The following DLC1 variants were observed in gnomAD, a reference collection of about 807,000 sequenced individuals.
DLC1 encodes rho GTPase-activating protein 7.
In DLC1, 54 loss-of-function variants were observed where a neutral mutation model predicts 140.3. The observed-to-expected ratio is 0.38, with a 90% CI of 0.31 to 0.48. DLC1 has a LOEUF of 0.48. Ranked by LOEUF, DLC1 falls within the 20% of genes least tolerant of loss-of-function variation. DLC1 has a pLI of 0.96. For missense variants in DLC1, 2,536 were observed against 1,907.0 expected, an observed-to-expected ratio of 1.33 and a Z score of -6.14; for synonymous variants, 986 against 728.1, an observed-to-expected ratio of 1.35 and a Z score of -5.70.
chr8:13,096,491 G>A (rs1406763260), intron 10 of DLC1, among the ~76,000 whole-genome samples: 3 of 152,102 alleles, frequency 2.0e-5, no homozygotes, highest in East Asian at 3.9e-4. Flanking sequence ...AGTTAAGTGT[G>A]TGGTATCATG....
intron 1 of DLC1, among the ~76,000 whole-genome samples, chr8:13,570,948 A>G (rs1020920599): frequency 6.6e-6 from 1 of 152,192 alleles, no homozygotes; most frequent in African/African-American, 2.4e-5. Flanking sequence ...TGGTGCAGAC[A>G]GGTATCTTGG....
At chr8:13,330,507 G>T (rs1030939892) in intron 4 of DLC1, among the ~76,000 whole-genome samples, 3 of 152,140 alleles carry the variant, frequency 2.0e-5, no homozygotes, top group Admixed American at 6.5e-5. Flanking sequence ...GCAGAATGTT[G>T]TGTATTCTGT....
At chr8:13,557,572 T>C (rs1003526289) in intron 1 of DLC1, 8 of 152,176 alleles carry the variant, frequency 5.3e-5, no homozygotes, top group Non-Finnish European at 8.8e-5. Context: ...GTTCTTATGA[T>C]AGTGAGTTCT....
intron 2 of DLC1, among the ~76,000 whole-genome samples, chr8:13,422,784 T>G (rs759954868): frequency 5.4e-5 from 8 of 149,180 alleles, no homozygotes; most frequent in Non-Finnish European, 1.0e-4. Context: ...TGGATCAACA[T>G]GCAAACAACC....
intron 5 of DLC1, among the ~76,000 whole-genome samples, chr8:13,209,255 A>T (rs1193174186): frequency 6.6e-6 from 1 of 152,170 alleles, no homozygotes; most frequent in Non-Finnish European, 1.5e-5. Flanking sequence ...CTATAGATAG[A>T]TATCTATAAA....
At chr8:13,095,327 C>A in intron 10 of DLC1, 82 bp from the exon 11 acceptor site, 2 of 1,555,210 alleles carry the variant, frequency 1.3e-6, no homozygotes, top group South Asian at 1.2e-5. Context: ...TGCAGGCAAA[C>A]CCTGTGGGCT....
intron 4 of DLC1, among the ~76,000 whole-genome samples, chr8:13,329,060 A>T (rs1470473647): frequency 6.6e-6 from 1 of 152,192 alleles, no homozygotes; most frequent in Non-Finnish European, 1.5e-5. Flanking sequence ...TGATCCAGAC[A>T]TTGATTCATC....
intron 4 of DLC1, among the ~76,000 whole-genome samples, chr8:13,366,834 C>G (rs950321971): frequency 6.6e-6 from 1 of 152,120 alleles, no homozygotes; most frequent in African/African-American, 2.4e-5. Context: ...GTTCCAGAAG[C>G]TTTCCCATCA....
At chr8:13,429,233 G>T (rs1427188463) in intron 2 of DLC1, among the ~76,000 whole-genome samples, 1 of 152,174 alleles carries the variant, frequency 6.6e-6, no homozygotes, top group African/African-American at 2.4e-5. Flanking sequence ...AATCATAGTG[G>T]AAGAGACCTG....
chr8:13,547,067 A>G (rs556627387), intron 1 of DLC1, among the ~76,000 whole-genome samples: 1 of 152,180 alleles, frequency 6.6e-6, no homozygotes, highest in Non-Finnish European at 1.5e-5. Flanking sequence ...ATTGCATGCG[A>G]CTGCTTGATT....
At chr8:13,600,993 A>C (rs539086140) in intron 1 of DLC1, among the ~76,000 whole-genome samples, 1 of 151,992 alleles carries the variant, frequency 6.6e-6, no homozygotes, top group African/African-American at 2.4e-5. Flanking sequence ...AGTACTTCTT[A>C]ACACATGCAT....
At chr8:13,570,549 G>C (rs1804617019) in intron 1 of DLC1, among the ~76,000 whole-genome samples, 1 of 142,822 alleles carries the variant, frequency 7.0e-6, no homozygotes, top group Non-Finnish European at 1.5e-5. Context: ...TGCGGTGTTT[G>C]GTTTTTTGTT....
chr8:13,274,980 A>G (rs1395124161), intron 5 of DLC1, among the ~76,000 whole-genome samples: 4 of 152,236 alleles, frequency 2.6e-5, no homozygotes, highest in Non-Finnish European at 5.9e-5. Flanking sequence ...CACCTTAAAG[A>G]GTTAAATAAA....
chr8:13,482,194 C>A (rs149897713), intron 2 of DLC1, among the ~76,000 whole-genome samples: 1 of 152,060 alleles, frequency 6.6e-6, no homozygotes, highest in African/African-American at 2.4e-5. Context: ...AAGGAAATAC[C>A]CCATCTTTCA....
intron 5 of DLC1, among the ~76,000 whole-genome samples, chr8:13,205,444 C>T (rs77016167): frequency 0.029 from 4,484 of 152,064 alleles, 90 homozygotes; most frequent in Non-Finnish European, 0.045. Flanking sequence ...ATTGTGGTTC[C>T]GCGGCATAAA....
chr8:13,399,435 CCTCT>C (rs1298368780), intron 3 of DLC1, among the ~76,000 whole-genome samples: 1 of 152,098 alleles, frequency 6.6e-6, no homozygotes, highest in African/African-American at 2.4e-5. Flanking sequence ...AATTACTCAT[CCTCT>C]CTCTCTGAAG....
intron 1 of DLC1, among the ~76,000 whole-genome samples, chr8:13,555,958 A>G (rs1226169417): frequency 1.3e-5 from 2 of 152,190 alleles, no homozygotes; most frequent in Non-Finnish European, 1.5e-5. Flanking sequence ...TTACTAAGAA[A>G]GAAAGAGGTT....
chr8:13,506,841 A>C (rs548196294), intron 1 of DLC1, among the ~76,000 whole-genome samples: 2 of 152,140 alleles, frequency 1.3e-5, no homozygotes, highest in South Asian at 2.1e-4. Flanking sequence ...ACACCTCTAC[A>C]TTTGGCACAT....
At chr8:13,163,720 C>A (rs897700731) in intron 5 of DLC1, among the ~76,000 whole-genome samples, 28 of 152,210 alleles carry the variant, frequency 1.8e-4, no homozygotes, top group African/African-American at 6.3e-4. Context: ...GTGGCTCCCA[C>A]CTGTAATCCC....
Sources: allele counts gnomAD v4.1 joint callset (sites outside exome capture counted in the v4.1 genomes callset), GRCh38; gene constraint gnomAD v4.1.1; transcripts MANE v1.5; gene names NCBI Gene and HGNC (gene_info 2026-07-23, HGNC 2026-07-21).